Variants in PEAK1 observed in about 807,000 individuals in gnomAD.
The protein encoded by PEAK1 is inactive tyrosine-protein kinase PEAK1.
PEAK1 carries 54 observed loss-of-function variants against 124.7 expected under a neutral mutation model. The observed-to-expected ratio is 0.43, with a 90% CI of 0.35 to 0.54. The LOEUF (loss-of-function observed/expected upper bound fraction) is 0.54, where lower values mean the gene tolerates loss of function less well. Ranked by LOEUF, PEAK1 falls within the 20% of genes least tolerant of loss-of-function variation. The probability of loss-of-function intolerance (pLI) is 0.01; values close to 1 mark genes in which losing one functional copy is unlikely to be tolerated. For synonymous variants in PEAK1, 719 were observed against 760.0 expected (o/e 0.95, Z 0.89); for missense variants, 2,046 against 2,134.5 (o/e 0.96, Z 0.82).
rs901515380 is a variant in PEAK1, at chr15:77,154,003, A to G, written c.3331+4500T>C. Among the ~76,000 whole-genome samples, 11 of 152,200 alleles carry G rather than the reference A, an allele frequency of 7.2e-5. No individual in the cohort carries two copies. In the East Asian group the frequency reaches 7.7e-4, roughly 11 times the overall value. On this transcript the variant is annotated intron_variant, in intron 8 of 9. Coordinates refer to ENST00000682557, the MANE Select transcript of PEAK1 (RefSeq NM_001385026.1). ...AGTTCTGTAGATGTCTATTAGGTCC[A>G]CTTGGTGCAGAGCTGAGTTCAATTC...
chr15:77,116,706 ATCTATCTATCT>A (rs1566987354), intron 9 of PEAK1, among the ~76,000 whole-genome samples: 177 of 14,334 alleles, frequency 0.012, no homozygotes, highest in South Asian at 0.026. Flanking sequence ...CAATCAATCT[ATCTATCTATCT>A]ATCTATCTAT....
intron 9 of PEAK1, among the ~76,000 whole-genome samples, chr15:77,122,868 T>C (rs2052039423): frequency 6.6e-6 from 1 of 152,256 alleles, no homozygotes; most frequent in Non-Finnish European, 1.5e-5. Flanking sequence ...TCTGTATATA[T>C]AGTCTGAACT....
At chr15:77,257,284 G>T (rs1044700805) in intron 5 of PEAK1, among the ~76,000 whole-genome samples, 4 of 151,238 alleles carry the variant, frequency 2.6e-5, no homozygotes, top group Non-Finnish European at 4.4e-5. Flanking sequence ...TAGTTCTAGA[G>T]CCCTGAGGAA....
intron 1 of PEAK1, chr15:77,417,462 G>A (rs928591098): frequency 1.8e-5 from 15 of 822,600 alleles, no homozygotes; most frequent in African/African-American, 3.8e-5. Context: ...TGCGGGGCGG[G>A]GGGGGAGGGG....
In PEAK1 at chr15:77,407,049, C is replaced by T. The variant is rs75535710; in HGVS notation, c.-666+12957G>A. Reference sequence around the variant, plus strand: ...AGGATACCCTATTCAACAAATGGTGCGGGGTAATTAGCTAGCCACATGTAG... The same window carrying T: ...AGGATACCCTATTCAACAAATGGTGTGGGGTAATTAGCTAGCCACATGTAG... On this transcript the variant is annotated intron_variant, in intron 1 of 9. Transcript: ENST00000682557. 8.1e-3 allele frequency among the ~76,000 whole-genome samples: 1,237 copies of T among 152,138 alleles called. 15 individuals are homozygous for T. The highest frequency in any genetic ancestry group is 0.026 in the African/African-American group (1,071 of 41,498).
rs758149950 is a variant in PEAK1 at position 77,114,378 on chromosome 15, A to T, written c.5019T>A (p.Asp1673Glu). The T allele has an allele frequency of 6.2e-7, 1 of 1,614,096 alleles. No homozygotes were observed. The highest frequency in any genetic ancestry group is 1.7e-5 in the Admixed American group (1 of 60,018). ...LQCLLWGPRE[D>E]LFQTFTACPS... ...GGCAGGCGGTGAAAGTCTGGAAGAG[A>T]TCTTCGCGGGGGCCCCAGAGCAGAC... The change falls in exon 10 of 10, where the codon GAT (aspartate) becomes GAA (glutamate). Residue 1673 changes from aspartate (D) to glutamate (E), a missense_variant. By Grantham distance (45) the Asp-to-Glu change is conservative (BLOSUM62 2). Coordinates refer to ENST00000682557, the MANE Select transcript of PEAK1 (RefSeq NM_001385026.1).
intron 2 of PEAK1, among the ~76,000 whole-genome samples, chr15:77,321,974 C>T (rs1335629497): frequency 2.0e-5 from 3 of 152,182 alleles, no homozygotes; most frequent in Non-Finnish European, 4.4e-5. Context: ...GATTAAGAAA[C>T]TCACTCAAAA....
chr15:77,351,587 GC>G, intron 2 of PEAK1: 4 of 460,452 alleles, frequency 8.7e-6, no homozygotes, highest in Non-Finnish European at 1.1e-5. Context: ...GGGCCTTTGA[GC>G]CCGTATGCTC....
chr15:77,408,152 C>CAT (rs112943224), intron 1 of PEAK1, among the ~76,000 whole-genome samples: 42,883 of 121,916 alleles, frequency 0.35, 6,732 homozygotes, highest in East Asian at 0.51. Context: ...CACATATATA[C>CAT]ATACACACAC....
At chr15:77,270,850 T>A (rs1307354069) in intron 5 of PEAK1, among the ~76,000 whole-genome samples, 2 of 151,916 alleles carry the variant, frequency 1.3e-5, no homozygotes, top group African/African-American at 4.8e-5. Flanking sequence ...TTTATTTCGT[T>A]GAGCAGGATG....
intron 2 of PEAK1, among the ~76,000 whole-genome samples, chr15:77,312,297 ATAGT>A: frequency 6.6e-6 from 1 of 152,330 alleles, no homozygotes; most frequent in Middle Eastern, 3.4e-3. Flanking sequence ...ATTTTTAATT[ATAGT>A]TACTCATGTA....
At position 77,355,687 on chromosome 15, in the gene PEAK1, T is replaced by C. The variant is rs538972434; in HGVS notation, c.-603+9476A>G. 184 of 890,016 alleles carry C rather than the reference T, an allele frequency of 2.1e-4. No individual in the cohort carries two copies. In the African/African-American group the frequency reaches 3.1e-3, roughly 15 times the overall value. The allele number at this position is 890,016 out of a possible 1,614,324, so 55.1% of individuals were successfully genotyped here. ...CCTGGCATGGAAGAAGGCTTACTCA[T>C]GACCAAGGAGTCTTGAACTCATCCA... On this transcript the variant is annotated intron_variant, in intron 2 of 9. Transcript: ENST00000682557.
chr15:77,189,673 C>A (rs2057736442), intron 6 of PEAK1, among the ~76,000 whole-genome samples: 2 of 152,196 alleles, frequency 1.3e-5, no homozygotes. Flanking sequence ...TATTACGAGG[C>A]AAATTAAGCA....
At chr15:77,368,014 T>C (rs917015788) in intron 1 of PEAK1, among the ~76,000 whole-genome samples, 1 of 152,164 alleles carries the variant, frequency 6.6e-6, no homozygotes, top group Non-Finnish European at 1.5e-5. Flanking sequence ...GACAGGTAAG[T>C]TGTGACTATA....
chr15:77,286,446 G>A lies in PEAK1; in HGVS notation c.-544C>T, dbSNP rs1474973653. 6 of 1,228,244 alleles carry A rather than the reference G, an allele frequency of 4.9e-6. No individual in the cohort carries two copies. Among genetic ancestry groups the A allele is most frequent in the Non-Finnish European group, 6.1e-6 (6 of 985,190 alleles). 76.1% of individuals were successfully genotyped at this position (1,228,244 alleles called of 1,614,324 possible). A position where few individuals can be genotyped will look rare whatever the true frequency, so the allele number is the denominator to read the frequency against. On this transcript the variant is annotated 5_prime_UTR_variant, in exon 3 of 10. Transcript: ENST00000682557. ...ACCTGGTTTAATTGGCTCCAACTCT[G>A]GGCATTATGTTGTTGCTTCCTTTTC...
chr15:77,393,586 C>G (rs1181163681), intron 1 of PEAK1, among the ~76,000 whole-genome samples: 1 of 152,216 alleles, frequency 6.6e-6, no homozygotes, highest in African/African-American at 2.4e-5. Flanking sequence ...GCATCATCTG[C>G]TGACTAAAGG....
chr15:77,131,895 T>C (rs1047137494), intron 9 of PEAK1, among the ~76,000 whole-genome samples: 4 of 151,624 alleles, frequency 2.6e-5, no homozygotes, highest in African/African-American at 9.7e-5. Context: ...CTGGGCAACA[T>C]AGTGAGACCA....
rs867305843 is a variant in PEAK1, at chr15:77,347,773, A to T, written c.-603+17390T>A. The stretch of plus-strand genomic sequence containing the variant: ...TTAGGAGTTTTTTAAAAGAAAAAAA[A>T]TTTAGTGAGTGTATAGATCATCTGT... On this transcript the variant is annotated intron_variant, in intron 2 of 9. Transcript: ENST00000682557. 5.1e-6 allele frequency: 5 copies of T among 983,680 alleles called. No individual in the cohort carries two copies. The African/African-American group carries it at 8.7e-5, about 17-fold the overall frequency. The allele number at this position is 983,680 out of a possible 1,614,324, so 60.9% of individuals were successfully genotyped here. A position where few individuals can be genotyped will look rare whatever the true frequency, so the allele number is the denominator to read the frequency against.
At chr15:77,294,146 A>T (rs1241286193) in intron 2 of PEAK1, among the ~76,000 whole-genome samples, 1 of 152,198 alleles carries the variant, frequency 6.6e-6, no homozygotes, top group Non-Finnish European at 1.5e-5. Flanking sequence ...TATCTGCTGG[A>T]TAAGACAACA....
Sources: gnomAD v4.1 joint callset for allele counts (sites outside exome capture counted in the v4.1 genomes callset) on GRCh38, gnomAD v4.1.1 for gene constraint, MANE v1.5 for transcripts, NCBI Gene and HGNC (gene_info 2026-07-23, HGNC 2026-07-21) for gene names.